Variants in UBAP2 observed in about 807,000 individuals in gnomAD.
UBAP2 encodes the protein ubiquitin-associated protein 2.
In UBAP2, 75 loss-of-function variants were observed where a neutral mutation model predicts 139.6. The observed-to-expected ratio is 0.54, with a 90% CI of 0.45 to 0.65. UBAP2 has a LOEUF of 0.65. UBAP2 is among the 30% of genes least tolerant of loss of function. The probability of loss-of-function intolerance (pLI) is 0.00; values close to 1 mark genes in which losing one functional copy is unlikely to be tolerated. For synonymous variants in UBAP2, 526 were observed against 526.2 expected (o/e 1.00, Z 0.01); for missense variants, 1,368 against 1,369.6 (o/e 1.00, Z 0.02).
At chr9:34,028,330 C>G (rs1035690736) in intron 1 of UBAP2, among the ~76,000 whole-genome samples, 1 of 151,018 alleles carries the variant, frequency 6.6e-6, no homozygotes, top group Non-Finnish European at 1.5e-5. Flanking sequence ...CTGTCCTATT[C>G]CTATCCTGCT....
chr9:33,926,784 A>G (rs1823470477), intron 21 of UBAP2, 120 bp from the exon 22 acceptor site: 5 of 1,129,222 alleles, frequency 4.4e-6, no homozygotes, highest in Non-Finnish European at 6.7e-6. Flanking sequence ...TGGGATCTGG[A>G]TTAGCTGTTA....
intron 8 of UBAP2, among the ~76,000 whole-genome samples, chr9:33,965,937 C>T (rs1827413192): frequency 6.6e-6 from 1 of 151,894 alleles, no homozygotes; most frequent in African/African-American, 2.4e-5. Flanking sequence ...TAGTCCCAGG[C>T]ACTTGGGGAG....
chr9:34,029,073 G>A (rs937057387), intron 1 of UBAP2, among the ~76,000 whole-genome samples: 4 of 152,066 alleles, frequency 2.6e-5, no homozygotes, highest in African/African-American at 9.7e-5. Flanking sequence ...CTATGATCAT[G>A]TCACCGCACT....
At chr9:34,024,660 G>C (rs1225615027) in intron 1 of UBAP2, among the ~76,000 whole-genome samples, 1 of 152,008 alleles carries the variant, frequency 6.6e-6, no homozygotes, top group Admixed American at 6.6e-5. Flanking sequence ...TGATTCAACA[G>C]ACAAATTTTC....
intron 1 of UBAP2, among the ~76,000 whole-genome samples, chr9:34,027,600 G>A (rs909403223): frequency 6.6e-6 from 1 of 152,024 alleles, no homozygotes; most frequent in Admixed American, 6.6e-5. Flanking sequence ...GCTCACGCCT[G>A]TAATCCCAGC....
At chr9:33,926,786 T>G in intron 21 of UBAP2, 122 bp from the exon 22 acceptor site, 1 of 1,119,596 alleles carries the variant, frequency 8.9e-7, no homozygotes, top group Admixed American at 1.8e-5. Flanking sequence ...GGATCTGGAT[T>G]AGCTGTTACG....
intron 2 of UBAP2, among the ~76,000 whole-genome samples, chr9:34,007,799 C>T (rs751804394): frequency 2.8e-4 from 42 of 151,798 alleles, no homozygotes; most frequent in Non-Finnish European, 4.7e-4. Context: ...CCACCACTCC[C>T]GGCTAATTTT....
chr9:34,046,794 ATAAACC>A (rs1377601762), intron 1 of UBAP2, among the ~76,000 whole-genome samples: 4 of 152,204 alleles, frequency 2.6e-5, no homozygotes, highest in Admixed American at 2.6e-4. Context: ...ACATATTGAA[ATAAACC>A]TATTAGTCTA....
intron 2 of UBAP2, among the ~76,000 whole-genome samples, chr9:34,003,681 A>G (rs1490000729): frequency 6.6e-6 from 1 of 152,010 alleles, no homozygotes; most frequent in Non-Finnish European, 1.5e-5. Context: ...TGCTGGGATT[A>G]CAGGCGTGAG....
chr9:33,949,916 A>G (rs1223575325), intron 12 of UBAP2, among the ~76,000 whole-genome samples: 1 of 152,204 alleles, frequency 6.6e-6, no homozygotes, highest in Non-Finnish European at 1.5e-5. Flanking sequence ...CAGGAAAAAC[A>G]ATGTTACTCC....
Position 33,960,886 on chromosome 9 carries a change from G to T in UBAP2, c.746-8C>A, listed in dbSNP as rs372644697. 293 of 1,613,674 alleles carry T rather than the reference G, an allele frequency of 1.8e-4. 3 individuals are homozygous for T. In the Admixed American group the frequency reaches 4.9e-3, roughly 27 times the overall value. ...CAGAATTCTTCCAAGCCCCTGTTGGGAAACAACAGCAATCAAAGTTTATAC... is the reference window on the plus strand; with the variant it reads ...CAGAATTCTTCCAAGCCCCTGTTGGTAAACAACAGCAATCAAAGTTTATAC... On this transcript the variant is annotated splice_polypyrimidine_tract_variant and splice_region_variant and intron_variant, in intron 9 of 28. Transcript: ENST00000379238.
At chr9:33,997,908 G>C (rs1465421961) in intron 3 of UBAP2, 1 of 152,068 alleles carries the variant, frequency 6.6e-6, no homozygotes, top group East Asian at 1.9e-4. Flanking sequence ...ATTATTAGAC[G>C]ACATCTACCA....
At position 33,927,012 on chromosome 9, in the gene UBAP2, C is replaced by T. The variant is rs764684359; in HGVS notation, c.2440G>A (p.Gly814Arg). The T allele has an allele frequency of 3.2e-5, 52 of 1,613,948 alleles. No individual in the cohort carries two copies. The highest frequency in any genetic ancestry group is 4.5e-5 in the East Asian group (2 of 44,880). Residue 814 changes from glycine to arginine, a missense_variant, in exon 21 of 29, where the codon GGA becomes AGA. Gly to Arg is a moderately radical substitution (Grantham distance 125, BLOSUM62 -2). Coordinates refer to ENST00000379238, the MANE Select transcript of UBAP2 (RefSeq NM_001370062.2). ...ACCGGGTAGGCAGGAAGCAGTCCTC[C>T]GGGACCTACGAGGTACTGGTTGTGC... is the stretch of plus-strand genomic sequence containing the variant. Reference protein sequence around the residue: ...LLHNQYLVGPGGLLPAYPIYG... With the variant: ...LLHNQYLVGPRGLLPAYPIYG...
At chr9:33,957,628 A>G (rs1412994809) in intron 10 of UBAP2, among the ~76,000 whole-genome samples, 1 of 152,212 alleles carries the variant, frequency 6.6e-6, no homozygotes, top group Non-Finnish European at 1.5e-5. Flanking sequence ...ACTGACATTA[A>G]TAAAAGATAC....
At chr9:34,025,911 A>C (rs573848115) in intron 1 of UBAP2, among the ~76,000 whole-genome samples, 1 of 152,314 alleles carries the variant, frequency 6.6e-6, no homozygotes, top group African/African-American at 2.4e-5. Flanking sequence ...ACCTTTCTGA[A>C]GATAAGATAC....
At chr9:33,957,195 T>C (rs1180020685) in intron 10 of UBAP2, among the ~76,000 whole-genome samples, 2 of 152,218 alleles carry the variant, frequency 1.3e-5, no homozygotes, top group Non-Finnish European at 2.9e-5. Context: ...TCAGTAATTT[T>C]ACATTTCATT....
At chr9:34,041,803 C>A (rs918669302) in intron 1 of UBAP2, among the ~76,000 whole-genome samples, 8 of 151,082 alleles carry the variant, frequency 5.3e-5, no homozygotes, top group African/African-American at 1.9e-4. Flanking sequence ...GCAGGCAGAT[C>A]ACCTGAGGTC....
At chr9:34,041,394 G>A (rs910444355) in intron 1 of UBAP2, among the ~76,000 whole-genome samples, 2 of 150,942 alleles carry the variant, frequency 1.3e-5, no homozygotes, top group Admixed American at 6.6e-5. Flanking sequence ...GAACCCAGGA[G>A]GCAGAGGTTG....
intron 3 of UBAP2, chr9:33,998,401 G>GA (rs755576935): frequency 7.9e-5 from 13 of 165,438 alleles, no homozygotes; most frequent in East Asian, 3.5e-4. Context: ...ACGTCTCTAT[G>GA]AAAAAAAAAT....
Sources: gnomAD v4.1 joint callset for allele counts (sites outside exome capture counted in the v4.1 genomes callset) on GRCh38, gnomAD v4.1.1 for gene constraint, MANE v1.5 for transcripts, NCBI Gene and HGNC (gene_info 2026-07-23, HGNC 2026-07-21) for gene names.